The following DAB1 variants were observed in gnomAD, a reference collection of about 807,000 sequenced individuals.
DAB1 encodes disabled homolog 1.
A neutral mutation model predicts 64.6 loss-of-function variants in DAB1; 15 were observed. That is an observed-to-expected ratio of 0.23 (90% CI 0.16 to 0.36). The LOEUF is 0.36. DAB1 is among the 10% of genes least tolerant of loss of function. The probability of loss-of-function intolerance (pLI) is 1.00; values close to 1 mark genes in which losing one functional copy is unlikely to be tolerated. For synonymous variants in DAB1, 235 were observed against 251.9 expected (o/e 0.93, Z 0.64); for missense variants, 596 against 706.7 (o/e 0.84, Z 1.78).
intron 6 of DAB1, among the ~76,000 whole-genome samples, chr1:57,763,993 G>A (rs1569609801): frequency 6.6e-6 from 1 of 152,146 alleles, no homozygotes; most frequent in African/African-American, 2.4e-5. Context: ...GCCATACTCA[G>A]GTAAGTTGCA....
intron 1 of DAB1, among the ~76,000 whole-genome samples, chr1:58,539,769 T>C (rs112355036): frequency 6.6e-6 from 1 of 152,146 alleles, no homozygotes; most frequent in African/African-American, 2.4e-5. Context: ...GCCCTACAAC[T>C]GTCCTAGCTT....
chr1:58,490,088 C>G (rs184265143), intron 3 of DAB1, among the ~76,000 whole-genome samples: 1 of 152,170 alleles, frequency 6.6e-6, no homozygotes, highest in African/African-American at 2.4e-5. Flanking sequence ...CAAAGCTGGA[C>G]GCAGAATGAC....
intron 6 of DAB1, among the ~76,000 whole-genome samples, chr1:57,810,455 G>A (rs1375252382): frequency 6.6e-6 from 1 of 152,194 alleles, no homozygotes; most frequent in Non-Finnish European, 1.5e-5. Context: ...GTGTATTTGT[G>A]TGGGAGTAGG....
chr1:58,000,309 T>C (rs1646487102), intron 5 of DAB1, among the ~76,000 whole-genome samples: 1 of 152,230 alleles, frequency 6.6e-6, no homozygotes, highest in African/African-American at 2.4e-5. Context: ...AGCCAGGGTT[T>C]GGAACCAGAA....
intron 2 of DAB1, among the ~76,000 whole-genome samples, chr1:57,266,868 A>G (rs757744752): frequency 2.7e-4 from 41 of 152,128 alleles, no homozygotes; most frequent in Non-Finnish European, 7.4e-5. Context: ...ATCATCCACA[A>G]CAATTCCACA....
intron 5 of DAB1, among the ~76,000 whole-genome samples, chr1:58,106,506 A>G (rs1651649414): frequency 6.6e-6 from 1 of 152,202 alleles, no homozygotes; most frequent in African/African-American, 2.4e-5. Flanking sequence ...TTTAATCCCA[A>G]TAAAAGTATT....
intron 5 of DAB1, among the ~76,000 whole-genome samples, chr1:58,118,596 C>CTATA (rs550184191): frequency 9.6e-6 from 1 of 104,654 alleles, no homozygotes; most frequent in Non-Finnish European, 1.8e-5. Flanking sequence ...ATATAAAATA[C>CTATA]TATATATATA....
intron 4 of DAB1, among the ~76,000 whole-genome samples, chr1:58,288,038 A>AAG (rs1553173019): frequency 0.59 from 71,734 of 122,516 alleles, 23,928 homozygotes; most frequent in Non-Finnish European, 0.71. Context: ...AAAAAAAAAA[A>AAG]AAAAAAAGAA....
intron 3 of DAB1, among the ~76,000 whole-genome samples, chr1:58,365,060 G>A (rs930856287): frequency 7.9e-5 from 12 of 152,132 alleles, no homozygotes; most frequent in South Asian, 2.1e-4. Flanking sequence ...CCCTCGTTGC[G>A]TAGAAGTTAC....
chr1:57,696,966 G>A (rs898528083), intron 6 of DAB1, among the ~76,000 whole-genome samples: 16 of 152,110 alleles, frequency 1.1e-4, no homozygotes, highest in Admixed American at 6.5e-5. Flanking sequence ...AGTCAATGCA[G>A]GAAGTTTCTG....
At chr1:57,822,360 T>C (rs1557500303), downstream of DAB1, among the ~76,000 whole-genome samples, 1 of 152,152 alleles carries the variant, frequency 6.6e-6, no homozygotes, top group South Asian at 2.1e-4. Context: ...AGAGGGTCTC[T>C]CTGGACAGAG....
intron 3 of DAB1, among the ~76,000 whole-genome samples, chr1:58,454,058 A>G (rs1645166207): frequency 6.6e-6 from 1 of 152,094 alleles, no homozygotes; most frequent in African/African-American, 2.4e-5. Flanking sequence ...TTCGATACCA[A>G]ATCTTGGAGA....
chr1:58,083,842 A>T (rs1417364893), intron 5 of DAB1, among the ~76,000 whole-genome samples: 2 of 152,206 alleles, frequency 1.3e-5, no homozygotes, highest in Non-Finnish European at 2.9e-5. Context: ...TGGTGTCCGG[A>T]GAAACTCTGT....
intron 7 of DAB1, among the ~76,000 whole-genome samples, chr1:57,637,158 T>A (rs1331616040): frequency 1.3e-5 from 2 of 152,168 alleles, no homozygotes; most frequent in African/African-American, 4.8e-5. Context: ...ATACTTTACA[T>A]ATTTTGCTCT....
At chr1:58,130,509 G>A (rs1431660768) in intron 5 of DAB1, among the ~76,000 whole-genome samples, 1 of 151,968 alleles carries the variant, frequency 6.6e-6, no homozygotes, top group African/African-American at 2.4e-5. Context: ...TATGATGTTA[G>A]CTGGTGATTT....
chr1:58,193,184 GAGTA>G (rs1557689810), intron 4 of DAB1, among the ~76,000 whole-genome samples: 2 of 152,140 alleles, frequency 1.3e-5, no homozygotes, highest in Non-Finnish European at 2.9e-5. Flanking sequence ...AGAGGGAAGT[GAGTA>G]AGTCTCACTG....
intron 3 of DAB1, among the ~76,000 whole-genome samples, chr1:58,403,050 A>C (rs369927622): frequency 9.2e-5 from 14 of 152,336 alleles, no homozygotes; most frequent in African/African-American, 3.4e-4. Context: ...TCTCCTTAAC[A>C]AAAACAGGGA....
intron 6 of DAB1, among the ~76,000 whole-genome samples, chr1:57,709,508 G>A (rs1018239601): frequency 2.0e-5 from 3 of 151,886 alleles, no homozygotes; most frequent in Non-Finnish European, 4.4e-5. Context: ...GGTAATAACC[G>A]AGGCTCATTA....
At position 57,634,958 on chromosome 1, in the gene DAB1, T is replaced by C. The variant is rs147333636; in HGVS notation, n.625+14634A>G. Among the ~76,000 whole-genome samples the C allele has an allele frequency of 6.2e-3, 947 of 152,260 alleles. 2 individuals carry two copies. Among genetic ancestry groups the C allele is most frequent in the Middle Eastern group, 0.017 (5 of 294 alleles). On this transcript the variant is annotated intron_variant and non_coding_transcript_variant, in intron 7 of 20. Coordinates refer to the DAB1 transcript ENST00000485760. The stretch of plus-strand genomic sequence containing the variant: ...CATTTGAGCAGAGATCTGAAGGTTA[T>C]AAGGGGTAAGCCATGCAGATGTCTG...
Sources: allele counts gnomAD v4.1 joint callset (sites outside exome capture counted in the v4.1 genomes callset), GRCh38; gene constraint gnomAD v4.1.1; transcripts MANE v1.5; gene names NCBI Gene and HGNC (gene_info 2026-07-23, HGNC 2026-07-21).